The following TTN variants were observed in gnomAD, a reference collection of about 807,000 sequenced individuals.
The protein encoded by TTN is connectin.
A neutral mutation model predicts 3,223.0 loss-of-function variants in TTN; 1,525 were observed. That is an observed-to-expected ratio of 0.47 (90% CI 0.45 to 0.49). TTN has a LOEUF of 0.49. Among genes scored for constraint, TTN ranks in the 20% least tolerant of loss-of-function variants. TTN has a pLI of 0.00. For missense variants in TTN, 40,786 were observed against 43,424.0 expected (o/e 0.94, Z 5.40); for synonymous variants, 14,094 against 15,161.0 (o/e 0.93, Z 5.17).
Position 178,567,868 on chromosome 2 carries a change from G to A in TTN, c.78264C>T (p.Pro26088=), listed in dbSNP as rs772122773. 2 of 1,613,372 alleles carry A rather than the reference G, an allele frequency of 1.2e-6. No individual in the cohort carries two copies. The highest frequency in any genetic ancestry group is 1.1e-5 in the South Asian group (1 of 91,082). Residue 26088 remains proline, a synonymous_variant, in exon 326 of 363, where the codon CCC becomes CCT. Transcript: ENST00000589042. ...KNSECYVARD[P]CDPPGTPEPI... is the part of the protein sequence containing the mutation. ...GTTCTGGGGTTCCTGGTGGGTCACA[G>A]GGATCTCTGGCTACATAGCATTCAG... is the stretch of plus-strand genomic sequence containing the variant.
At chr2:178,699,700 C>G (rs1194411783) in intron 111 of TTN, among the ~76,000 whole-genome samples, 1 of 144,956 alleles carries the variant, frequency 6.9e-6, no homozygotes, top group Non-Finnish European at 1.5e-5. Flanking sequence ...CGTGAGCCAC[C>G]GCGCCCAGCC....
rs747671998 is a variant in TTN at position 178,591,415 on chromosome 2, C to T, written c.60310G>A (p.Gly20104Ser). ...TTVRFPAIIR[G>S]VPVPTAKWTT... ...CACTTTGCAGTAGGAACAGGCACAC[C>T]TCTTATAATAGCAGGGAATCTGACT... Residue 20104 changes from glycine to serine, a missense_variant, in exon 304 of 363, where the codon GGT (glycine) becomes AGT (serine). By Grantham distance (56) the Gly-to-Ser change is moderately conservative (BLOSUM62 0). Transcript: ENST00000589042. The T allele has an allele frequency of 1.2e-6, 2 of 1,609,132 alleles. No individual in the cohort carries two copies. The highest frequency in any genetic ancestry group is 1.1e-5 in the South Asian group (1 of 90,092).
In TTN at chr2:178,542,381, A is replaced by C; in HGVS notation, c.97375T>G (p.Phe32459Val). Residue 32459 changes from phenylalanine to valine, a missense_variant, in exon 349 of 363, where the codon TTT (phenylalanine) becomes GTT (valine). Physicochemically the swap from Phe to Val is conservative, Grantham distance 50. Transcript: ENST00000589042. ...CCTTCGGTGAGTCTGGTAAACTTAAACGTGGACCTAGTCACTGATTCAGAA... is the reference window on the plus strand; with the variant it reads ...CCTTCGGTGAGTCTGGTAAACTTAACCGTGGACCTAGTCACTGATTCAGAA... ...PVSESVTRST[F>V]KFTRLTEGNE... 6.2e-7 allele frequency: 1 copy of C among 1,613,568 alleles called. No homozygotes were observed. Among genetic ancestry groups the C allele is most frequent in the Non-Finnish European group, 8.5e-7 (1 of 1,179,696 alleles).
rs571961414 is a variant in TTN at position 178,563,824 on chromosome 2, A to C, written c.82308T>G (p.Pro27436=). The C allele has an allele frequency of 1.2e-6, 2 of 1,613,772 alleles. No homozygotes were observed. The highest frequency in any genetic ancestry group is 1.7e-6 in the Non-Finnish European group (2 of 1,179,742). The change falls in exon 326 of 363, where the codon CCT becomes CCG. Residue 27436 remains proline, a synonymous_variant. Coordinates refer to ENST00000589042, the MANE Select transcript of TTN (RefSeq NM_001267550.2). This position sits in a 1 kb window ranked among gnomAD's most constrained non-coding sequence, Gnocchi z 4.5. ...ALNYKVTKLL[P]GNEYIFRVMA... Reference sequence around the variant, plus strand: ...TGACACGGAAAATGTACTCATTACCAGGAAGAAGTTTAGTAACTTTGTAGT... The same window carrying C: ...TGACACGGAAAATGTACTCATTACCCGGAAGAAGTTTAGTAACTTTGTAGT...
intron 99 of TTN, 67 bp from the exon 100 acceptor site, chr2:178,707,880 A>C: frequency 6.7e-7 from 1 of 1,501,894 alleles, no homozygotes; most frequent in Non-Finnish European, 8.9e-7. Flanking sequence ...CACAAGAGAA[A>C]CAAATAAAGA....
In TTN at chr2:178,727,195, C is replaced by T. The variant is rs140143513; in HGVS notation, c.20170G>A (p.Val6724Ile). 1.2e-5 allele frequency: 20 copies of T among 1,613,156 alleles called. No homozygotes were observed. Among genetic ancestry groups the T allele is most frequent in the East Asian group, 6.7e-5 (3 of 44,840 alleles). ...GTACTGAGATTGTTCATCTGTATGA[C>T]GGCCACTGAGTCAATGAAAGTCATT... ...YRMTFIDSVAVIQMNNLSTED... is the reference protein window; with the variant it reads ...YRMTFIDSVAIIQMNNLSTED... The change falls in exon 69 of 363, where the codon GTC (valine) becomes ATC (isoleucine). Residue 6724 changes from valine (V) to isoleucine (I), a missense_variant. Val to Ile is a conservative substitution (Grantham distance 29, BLOSUM62 3). Transcript: ENST00000589042.
At chr2:178,615,032 C>T (rs1342755908) in intron 259 of TTN, 64 bp from the exon 260 acceptor site, 1 of 1,389,416 alleles carries the variant, frequency 7.2e-7, no homozygotes, top group Non-Finnish European at 9.8e-7. Context: ...GTGTAGTACT[C>T]ATAATCTTTC....
chr2:178,550,573 C>T (rs942867343), intron 336 of TTN: 1 of 417,350 alleles, frequency 2.4e-6, no homozygotes, highest in Non-Finnish European at 4.3e-6. Context: ...CACAGTCACA[C>T]AAGTTCTTTT....
At position 178,546,776 on chromosome 2, in the gene TTN, A is replaced by G. The variant is rs369870689; in HGVS notation, c.94652T>C (p.Val31551Ala). The G allele has an allele frequency of 1.2e-5, 19 of 1,613,562 alleles. No individual in the cohort carries two copies. Among genetic ancestry groups the G allele is most frequent in the South Asian group, 8.8e-5 (8 of 91,074 alleles). The stretch of plus-strand genomic sequence containing the variant: ...GCACTTCAGCCAGCGACCATCTCCT[A>G]CCTCACTGACTGGCTTACGCTCTAT... ...YIIERKPVSE[V>A]GDGRWLKCNY... The change falls in exon 341 of 363, where the codon GTA becomes GCA. Residue 31551 changes from valine to alanine, a missense_variant. By Grantham distance (64) the Val-to-Ala change is moderately conservative. Transcript: ENST00000589042.
Position 178,614,679 on chromosome 2 carries a change from G to C in TTN, c.48835C>G (p.Pro16279Ala), listed in dbSNP as rs867039661. Residue 16279 changes from proline to alanine, a missense_variant, in exon 261 of 363, where the codon CCT (proline) becomes GCT (alanine). Physicochemically the swap from Pro to Ala is conservative, Grantham distance 27. Coordinates refer to ENST00000589042, the MANE Select transcript of TTN (RefSeq NM_001267550.2). The stretch of plus-strand genomic sequence containing the variant: ...TCAGGTTTTCCGGTTACGGTGGCAG[G>C]AAGTTCAATCTTGGTCCCAGCTTTT... The part of the protein sequence containing the change: ...TVKAGTKIEL[P>A]ATVTGKPEPK... The C allele has an allele frequency of 6.2e-7, 1 of 1,612,306 alleles. No individual in the cohort carries two copies. Among genetic ancestry groups the C allele is most frequent in the Non-Finnish European group, 8.5e-7 (1 of 1,179,068 alleles).
At chr2:178,604,378 A>G (rs1374276097) in intron 281 of TTN, 73 bp from the exon 282 acceptor site, 6 of 1,254,088 alleles carry the variant, frequency 4.8e-6, no homozygotes, top group East Asian at 5.4e-5. Flanking sequence ...TAAAAATTCA[A>G]CTTATTTTGG....
In TTN at chr2:178,715,555, T is replaced by C; in HGVS notation, c.25859A>G (p.Tyr8620Cys). Residue 8620 changes from tyrosine to cysteine, a missense_variant, in exon 89 of 363, where the codon TAC becomes TGC. By Grantham distance (194) the Tyr-to-Cys change is radical (BLOSUM62 -2). Transcript: ENST00000589042. ...TGCTGCATTGTGGGCCTCACAGGTG[T>C]AGTCTCCACTGTCTTCAACACTGAG... ...HNLSVEDSGD[Y>C]TCEAHNAAGS... The C allele has an allele frequency of 6.2e-7, 1 of 1,613,678 alleles. No homozygotes were observed. Among genetic ancestry groups the C allele is most frequent in the Non-Finnish European group, 8.5e-7 (1 of 1,179,664 alleles).
chr2:178,787,488 C>T (rs1255532420), intron 13 of TTN, among the ~76,000 whole-genome samples: 1 of 152,076 alleles, frequency 6.6e-6, no homozygotes. Flanking sequence ...AAAATGTTAA[C>T]ATCTTCGACA....
chr2:178,702,263 C>G lies in TTN; in HGVS notation c.30434-18G>C. 1 of 1,613,844 alleles carries G rather than the reference C, an allele frequency of 6.2e-7. No homozygotes were observed. Among genetic ancestry groups the G allele is most frequent in the Non-Finnish European group, 8.5e-7 (1 of 1,179,854 alleles). On this transcript the variant is annotated intron_variant, in intron 107 of 362. Transcript: ENST00000589042. The stretch of plus-strand genomic sequence containing the variant: ...GTAGACACCTAGGGTGAAAAATCAT[C>G]CAACTTTTGTTTTCTGATATGTTGC...
rs1060503953 is a variant in TTN at position 178,537,838 on chromosome 2, C to T, written c.99369G>A (p.Gln33123=). The T allele has an allele frequency of 6.2e-7, 1 of 1,613,680 alleles. No individual in the cohort carries two copies. The highest frequency in any genetic ancestry group is 8.5e-7 in the Non-Finnish European group (1 of 1,179,730). The change falls in exon 355 of 363, where the codon CAG becomes CAA. Residue 33123 remains glutamine (Q), a synonymous_variant. Transcript: ENST00000589042. ...TGTCAGGAAGAGGCCTTCCAACAAT[C>T]TGGCATGAGAGTTGAGCAGCTTCAC... ...KLGEAAQLSC[Q]IVGRPLPDIK...
chr2:178,778,413 A>AATTTT, intron 24 of TTN: 2 of 248,658 alleles, frequency 8.0e-6, no homozygotes, highest in Admixed American at 5.2e-5. Flanking sequence ...ATGAATTTGG[A>AATTTT]AACAAAACAA....
chr2:178,666,261 T>C (rs1463792323), intron 163 of TTN, among the ~76,000 whole-genome samples: 3 of 152,104 alleles, frequency 2.0e-5, no homozygotes, highest in African/African-American at 4.8e-5. Context: ...AATTACAGAA[T>C]ACCATGGGTG....
At position 178,608,472 on chromosome 2, in the gene TTN, G is replaced by A. The variant is rs551867239; in HGVS notation, c.52411C>T (p.Pro17471Ser). Residue 17471 changes from proline (P) to serine (S), a missense_variant, in exon 275 of 363, where the codon CCT becomes TCT. By Grantham distance (74) the Pro-to-Ser change is moderately conservative. Coordinates refer to ENST00000589042, the MANE Select transcript of TTN (RefSeq NM_001267550.2). Reference sequence around the variant, plus strand: ...ACAATGGGCTTATCTGGTGCATCAGGTGGTCCTGATAAAAAAATAACATTT... The same window carrying A: ...ACAATGGGCTTATCTGGTGCATCAGATGGTCCTGATAAAAAAATAACATTT... ...PLVAKDPFGPPDAPDKPIVED... is the reference protein window; with the variant it reads ...PLVAKDPFGPSDAPDKPIVED... 7 of 1,581,638 alleles carry A rather than the reference G, an allele frequency of 4.4e-6. No homozygotes were observed. In the South Asian group the frequency reaches 4.7e-5, roughly 11 times the overall value.
rs1180372550 is a variant in TTN, at chr2:178,570,585, T to C, written c.75547A>G (p.Ile25183Val). The C allele has an allele frequency of 1.2e-6, 2 of 1,613,312 alleles. No homozygotes were observed. The highest frequency in any genetic ancestry group is 3.3e-4 in the Middle Eastern group (2 of 6,076). Residue 25183 changes from isoleucine (I) to valine (V), a missense_variant, in exon 326 of 363, where the codon ATA becomes GTA. Coordinates refer to ENST00000589042, the MANE Select transcript of TTN (RefSeq NM_001267550.2). ...CCTGCAACATTTTTGGCCTTCAGTA[T>C]GTAATTTCCACTGTCGACACGTACT... ...DAVRVDSGNY[I>V]LKAKNVAGER...
Sources: allele counts gnomAD v4.1 joint callset (sites outside exome capture counted in the v4.1 genomes callset), GRCh38; gene constraint gnomAD v4.1.1; non-coding constraint Gnocchi (gnomAD v3.1); transcripts MANE v1.5; gene names NCBI Gene and HGNC (gene_info 2026-07-23, HGNC 2026-07-21).